The following NCEH1 variants were observed in gnomAD, a reference collection of about 807,000 sequenced individuals.
The protein encoded by NCEH1 is 2-acetyl MAGE hydrolase.
A neutral mutation model predicts 25.4 loss-of-function variants in NCEH1; 9 were observed. That is an observed-to-expected ratio of 0.35 (90% CI 0.21 to 0.62). NCEH1 has a LOEUF of 0.62. Ranked by LOEUF, NCEH1 falls within the 20% of genes least tolerant of loss-of-function variation. The pLI is 0.72. For synonymous variants in NCEH1, 200 were observed against 199.8 expected (o/e 1.00, Z -0.01); for missense variants, 412 against 501.1 (o/e 0.82, Z 1.70).
At chr3:172,651,326 T>G (rs373060548) in intron 1 of NCEH1, among the ~76,000 whole-genome samples, 1 of 152,218 alleles carries the variant, frequency 6.6e-6, no homozygotes, top group East Asian at 1.9e-4. Flanking sequence ...AACATTTGCA[T>G]GTCTATATGA....
chr3:172,658,352 T>C (rs758770904), intron 1 of NCEH1, among the ~76,000 whole-genome samples: 2 of 152,242 alleles, frequency 1.3e-5, no homozygotes, highest in African/African-American at 4.8e-5. Context: ...GATCGCCATC[T>C]GGCTAGGGAT....
chr3:172,700,889 A>G (rs983248080), intron 1 of NCEH1, among the ~76,000 whole-genome samples: 1 of 152,188 alleles, frequency 6.6e-6, no homozygotes, highest in Non-Finnish European at 1.5e-5. Flanking sequence ...AAATGAGGTG[A>G]TATTAGTAAA....
At chr3:172,674,814 T>C (rs1216881277) in intron 1 of NCEH1, among the ~76,000 whole-genome samples, 5 of 152,250 alleles carry the variant, frequency 3.3e-5, no homozygotes. Flanking sequence ...TTTGCCTGAT[T>C]ATCATCCTTA....
At chr3:172,701,749 C>T (rs1198226307) in intron 1 of NCEH1, among the ~76,000 whole-genome samples, 4 of 151,516 alleles carry the variant, frequency 2.6e-5, no homozygotes, top group African/African-American at 4.9e-5. Flanking sequence ...CAGTTGTAAG[C>T]GACCACGCCT....
chr3:172,659,085 T>G (rs1043883138), intron 1 of NCEH1, among the ~76,000 whole-genome samples: 4 of 152,084 alleles, frequency 2.6e-5, no homozygotes, highest in Non-Finnish European at 5.9e-5. Flanking sequence ...TGAACTGGAT[T>G]TGAACCCAAG....
chr3:172,667,011 G>A (rs1460358866), intron 1 of NCEH1, among the ~76,000 whole-genome samples: 4 of 152,168 alleles, frequency 2.6e-5, no homozygotes, highest in Admixed American at 2.0e-4. Context: ...CAACAGCGCC[G>A]CCTAGTGGAA....
At position 172,710,967 on chromosome 3, in the gene NCEH1, G is replaced by A; in HGVS notation, c.18C>T (p.Val6=). ...CCAGCGCCACCAGGGCGGTGAGCAG[G>A]ACACAGGACGACCTCATCTTGCCCT... is the stretch of plus-strand genomic sequence containing the variant. MRSSC[V]LLTALVALAA... Residue 6 remains valine (V), a synonymous_variant, in exon 1 of 5, where the codon GTC becomes GTT. Transcript: ENST00000475381. 1 of 1,614,110 alleles carries A rather than the reference G, an allele frequency of 6.2e-7. No individual in the cohort carries two copies. Among genetic ancestry groups the A allele is most frequent in the Non-Finnish European group, 8.5e-7 (1 of 1,180,016 alleles).
At position 172,636,009 on chromosome 3, in the gene NCEH1, T is replaced by C. The variant is rs79051993; in HGVS notation, c.516A>G (p.Pro172=). The C allele has an allele frequency of 5.3e-5, 86 of 1,614,196 alleles. No individual in the cohort carries two copies. Among genetic ancestry groups the C allele is most frequent in the Non-Finnish European group, 6.7e-5 (79 of 1,180,014 alleles). Reference sequence around the variant, plus strand: ...CAACCATATACTTCTGTAAGACTTCTGGCTTCAGGAAATACTTTGTGGCCC... The same window carrying C: ...CAACCATATACTTCTGTAAGACTTCCGGCTTCAGGAAATACTTTGTGGCCC... ...VVRATKYFLK[P]EVLQKYMVDP... is the part of the protein sequence containing the mutation. Residue 172 remains proline (P), a synonymous_variant, in exon 4 of 5, where the codon CCA becomes CCG. Transcript: ENST00000475381.
intron 1 of NCEH1, among the ~76,000 whole-genome samples, chr3:172,704,165 C>T (rs1713850092): frequency 6.6e-6 from 1 of 152,166 alleles, no homozygotes; most frequent in South Asian, 2.1e-4. Context: ...ACCCACACAG[C>T]CCAAAAGCAC....
intron 1 of NCEH1, among the ~76,000 whole-genome samples, chr3:172,667,096 T>A (rs1285428452): frequency 6.6e-6 from 1 of 152,216 alleles, no homozygotes; most frequent in African/African-American, 2.4e-5. Flanking sequence ...CCACTAAAAA[T>A]CAGGCTCTAG....
intron 1 of NCEH1, among the ~76,000 whole-genome samples, chr3:172,653,765 T>TTTTTTTTTTTTTTTTTTTTTTTG (rs1717556500): frequency 1.5e-5 from 2 of 134,382 alleles, no homozygotes; most frequent in African/African-American, 6.0e-5. Context: ...TTTTTGTTTT[T>TTTTTTTTTTTTTTTTTTTTTTTG]TTTTTTTTTT....
Position 172,630,602 on chromosome 3 carries a change from G to C in NCEH1, c.*2873C>G, listed in dbSNP as rs975931697. On this transcript the variant is annotated 3_prime_UTR_variant, in exon 5 of 5. Coordinates refer to ENST00000475381, the MANE Select transcript of NCEH1 (RefSeq NM_020792.6). ...TTTGGCATACAGAAAGAAGAGAAGA[G>C]AACACTGTTTTCAAATGGGAAACAG... is the stretch of plus-strand genomic sequence containing the variant. The C allele has an allele frequency of 2.0e-5, 3 of 152,170 alleles. No individual in the cohort carries two copies. Among genetic ancestry groups the C allele is most frequent in the Non-Finnish European group, 4.4e-5 (3 of 68,042 alleles). The allele number at this position is 152,170 out of a possible 1,614,324, so 9.4% of individuals were successfully genotyped here. A position where few individuals can be genotyped will look rare whatever the true frequency, so the allele number is the denominator to read the frequency against.
At chr3:172,687,674 C>T (rs190603594) in intron 1 of NCEH1, among the ~76,000 whole-genome samples, 56 of 152,190 alleles carry the variant, frequency 3.7e-4, no homozygotes, top group African/African-American at 1.3e-3. Flanking sequence ...CAGCCACAGG[C>T]GATTACATGA....
At chr3:172,653,760 GTTTTTTT>G (rs780425751) in intron 1 of NCEH1, among the ~76,000 whole-genome samples, 5 of 54,418 alleles carry the variant, frequency 9.2e-5, no homozygotes, top group Non-Finnish European at 2.1e-4. Flanking sequence ...TTGTTTTTTT[GTTTTTTT>G]TTTTTTTTGA....
rs1342406816 is a variant in NCEH1 at position 172,667,512 on chromosome 3, G to A, written c.139-19398C>T. On this transcript the variant is annotated intron_variant, in intron 1 of 4. Transcript: ENST00000475381. Reference sequence around the variant, plus strand: ...AAGGTTGCGCAGTAAAGCACGGTTAGTCCCATCACTTAGTTTATCCAGTTC... The same window carrying A: ...AAGGTTGCGCAGTAAAGCACGGTTAATCCCATCACTTAGTTTATCCAGTTC... Among the ~76,000 whole-genome samples the A allele has an allele frequency of 9.8e-5, 15 of 152,308 alleles. No individual in the cohort carries two copies. The East Asian group carries it at 2.9e-3, about 29-fold the overall frequency.
chr3:172,707,616 C>T (rs190337216), intron 1 of NCEH1, among the ~76,000 whole-genome samples: 1 of 152,218 alleles, frequency 6.6e-6, no homozygotes, highest in Admixed American at 6.5e-5. Flanking sequence ...GACGGAGTCT[C>T]ACACTGTTGC....
At chr3:172,701,616 G>GTTTTTTTTT (rs60219751) in intron 1 of NCEH1, among the ~76,000 whole-genome samples, 228 of 110,662 alleles carry the variant, frequency 2.1e-3, no homozygotes, top group East Asian at 3.0e-3. Flanking sequence ...TGCCCAGCTA[G>GTTTTTTTTT]TTTTTTTTTT....
In NCEH1 at chr3:172,699,150, G is replaced by A. The variant is rs140749986; in HGVS notation, c.138+11697C>T. On this transcript the variant is annotated intron_variant, in intron 1 of 4. Coordinates refer to ENST00000475381, the MANE Select transcript of NCEH1 (RefSeq NM_020792.6). Reference sequence around the variant, plus strand: ...GAAGGGCAGTGAGAGGGAAAGAGACGGGGAAGTTCTCAAAAGAGATGATTT... The same window carrying A: ...GAAGGGCAGTGAGAGGGAAAGAGACAGGGAAGTTCTCAAAAGAGATGATTT... Among the ~76,000 whole-genome samples, 49 of 152,250 alleles carry A rather than the reference G, an allele frequency of 3.2e-4. 1 individual carries two copies. The South Asian group carries it at 5.4e-3, about 17-fold the overall frequency.
intron 1 of NCEH1, among the ~76,000 whole-genome samples, chr3:172,649,586 T>C (rs949896046): frequency 2.6e-5 from 4 of 152,254 alleles, no homozygotes; most frequent in African/African-American, 9.6e-5. Flanking sequence ...ATTCTAACTA[T>C]CAACTTAAGT....
Sources: gnomAD v4.1 joint callset for allele counts (sites outside exome capture counted in the v4.1 genomes callset) on GRCh38, gnomAD v4.1.1 for gene constraint, MANE v1.5 for transcripts, NCBI Gene and HGNC (gene_info 2026-07-23, HGNC 2026-07-21) for gene names.